The following FUBP3 variants were observed in gnomAD, a reference collection of about 807,000 sequenced individuals.
The protein encoded by FUBP3 is far upstream element-binding protein 3.
A neutral mutation model predicts 85.6 loss-of-function variants in FUBP3; 28 were observed. That is an observed-to-expected ratio of 0.33 (90% CI 0.24 to 0.45). The LOEUF (loss-of-function observed/expected upper bound fraction) is 0.45. Ranked by LOEUF, FUBP3 falls within the 20% of genes least tolerant of loss-of-function variation. The probability of loss-of-function intolerance (pLI) is 1.00; values close to 1 mark genes in which losing one functional copy is unlikely to be tolerated. For missense variants in FUBP3, 583 were observed against 755.1 expected, an observed-to-expected ratio of 0.77 and a Z score of 2.67; for synonymous variants, 271 against 271.4, an observed-to-expected ratio of 1.00 and a Z score of 0.01.
chr9:130,631,223 T>C, intron 13 of FUBP3: 1 of 1,237,502 alleles, frequency 8.1e-7, no homozygotes, highest in Non-Finnish European at 1.0e-6. Context: ...GGGCCACTGC[T>C]CACCTCAATG....
chr9:130,589,675 G>GTGTGTGTATGTATATATATATATATA (rs869282275), intron 1 of FUBP3, among the ~76,000 whole-genome samples: 2 of 34,292 alleles, frequency 5.8e-5, no homozygotes, highest in African/African-American at 1.3e-4. Flanking sequence ...GTATGTGTGT[G>GTGTGTGTATGTATATATATATATATA]TATATATATA....
chr9:130,602,076 A>T (rs1258710591), intron 2 of FUBP3, among the ~76,000 whole-genome samples: 1 of 152,214 alleles, frequency 6.6e-6, no homozygotes, highest in South Asian at 2.1e-4. Flanking sequence ...CTGGGATTAC[A>T]GGCGTGAGCC....
At chr9:130,636,938 AC>A (rs1830442393) in intron 18 of FUBP3, 75 bp from the exon 19 acceptor site, 1 of 1,284,238 alleles carries the variant, frequency 7.8e-7, no homozygotes, top group Non-Finnish European at 1.1e-6. Flanking sequence ...GTGACGCGAG[AC>A]CTGGGGGAGG....
intron 2 of FUBP3, among the ~76,000 whole-genome samples, chr9:130,608,876 T>G (rs2099796482): frequency 6.6e-6 from 1 of 152,178 alleles, no homozygotes; most frequent in Non-Finnish European, 1.5e-5. Flanking sequence ...ATGACAGCAG[T>G]GAGTTTGAGC....
Position 130,614,322 on chromosome 9 carries a change from T to C in FUBP3, c.381T>C (p.Leu127=). ...GGATTCCAGAGAGGCCCTGTGTACTTACCGGAACCCCAGAAAGTATTGAGT... is the reference window on the plus strand; with the variant it reads ...GGATTCCAGAGAGGCCCTGTGTACTCACCGGAACCCCAGAAAGTATTGAGT... ...SSGIPERPCV[L]TGTPESIEQA... is the part of the protein sequence containing the mutation. Residue 127 remains leucine (L), a synonymous_variant, in exon 6 of 19, where the codon CTT becomes CTC. Transcript: ENST00000319725. The C allele has an allele frequency of 6.2e-7, 1 of 1,603,094 alleles. No homozygotes were observed. Among genetic ancestry groups the C allele is most frequent in the Non-Finnish European group, 8.5e-7 (1 of 1,170,120 alleles).
chr9:130,587,243 T>G (rs1830393068), intron 1 of FUBP3, among the ~76,000 whole-genome samples: 1 of 151,886 alleles, frequency 6.6e-6, no homozygotes. Context: ...TTTTGTATTT[T>G]CTGTAGAGAT....
At chr9:130,626,588 G>A (rs1564221283) in intron 12 of FUBP3, 83 bp downstream of exon 12, 1 of 1,407,992 alleles carries the variant, frequency 7.1e-7, no homozygotes, top group Non-Finnish European at 9.9e-7. Flanking sequence ...AGAACCTTTG[G>A]TGAGGTCCCT....
rs952598993 is a variant in FUBP3 at position 130,611,875 on chromosome 9, ATTAT to A, written c.225-579_225-576del. Among the ~76,000 whole-genome samples, 7 of 152,158 alleles carry A rather than the reference ATTAT, an allele frequency of 4.6e-5. No individual in the cohort carries two copies. The East Asian group carries it at 1.2e-3, about 25-fold the overall frequency. On this transcript the variant is annotated intron_variant, in intron 3 of 18. Coordinates refer to ENST00000319725, the MANE Select transcript of FUBP3 (RefSeq NM_003934.2). ...AGTACCTTGCAGAGTAAGTGAGGTA[ATTAT>A]TCTGTTCTGGTCAACAGTGATTACG... is the stretch of plus-strand genomic sequence containing the variant.
rs1346892230 is a variant in FUBP3 at position 130,579,621 on chromosome 9, G to C, written c.-60G>C. 5.6e-6 allele frequency: 6 copies of C among 1,070,074 alleles called. No homozygotes were observed. The highest frequency in any genetic ancestry group is 5.9e-6 in the Non-Finnish European group (5 of 840,500). The allele number at this position is 1,070,074 out of a possible 1,614,324, so 66.3% of individuals were successfully genotyped here. ...CCAAGCGGAGCGGGAGGCCGGACCG[G>C]GGAGCCGAGCGGCGGCGTCGGCGGC... On this transcript the variant is annotated 5_prime_UTR_variant, in exon 1 of 19. Coordinates refer to ENST00000319725, the MANE Select transcript of FUBP3 (RefSeq NM_003934.2).
At chr9:130,581,673 A>T (rs537144091) in intron 1 of FUBP3, 2 of 152,216 alleles carry the variant, frequency 1.3e-5, no homozygotes, top group African/African-American at 4.8e-5. Context: ...TATACACAGC[A>T]TGTTACAGAG....
At chr9:130,589,433 T>C (rs1249121983) in intron 1 of FUBP3, among the ~76,000 whole-genome samples, 1 of 150,860 alleles carries the variant, frequency 6.6e-6, no homozygotes, top group African/African-American at 2.4e-5. Context: ...AAGCTCCACC[T>C]CCTGGGTTCA....
intron 12 of FUBP3, among the ~76,000 whole-genome samples, chr9:130,626,834 A>G (rs1357536951): frequency 6.6e-6 from 1 of 152,196 alleles, no homozygotes; most frequent in African/African-American, 2.4e-5. Flanking sequence ...CTGATTGGTA[A>G]TTAACTCACC....
chr9:130,589,116 G>A (rs1397406709), intron 1 of FUBP3, among the ~76,000 whole-genome samples: 1 of 148,436 alleles, frequency 6.7e-6, no homozygotes, highest in African/African-American at 2.6e-5. Flanking sequence ...TAGAGTTCTA[G>A]TAAGTATGAA....
intron 16 of FUBP3, 86 bp downstream of exon 16, chr9:130,632,364 TCAGC>T (rs1830249050): frequency 9.6e-7 from 1 of 1,038,900 alleles, no homozygotes; most frequent in East Asian, 2.4e-5. Context: ...CTCGTTCAAC[TCAGC>T]CAGCAGGCCC....
At position 130,604,301 on chromosome 9, in the gene FUBP3, C is replaced by T. The variant is rs547939402; in HGVS notation, c.191-5653C>T. Among the ~76,000 whole-genome samples, 51 of 152,200 alleles carry T rather than the reference C, an allele frequency of 3.4e-4. 1 individual carries two copies. Among genetic ancestry groups the T allele is most frequent in the Middle Eastern group, 6.8e-3 (2 of 294 alleles). On this transcript the variant is annotated intron_variant, in intron 2 of 18. Coordinates refer to ENST00000319725, the MANE Select transcript of FUBP3 (RefSeq NM_003934.2). Reference sequence around the variant, plus strand: ...CTCCTTATTGTTGTAGATAAGGAAACCAGTGTCTCTGAAGAAGTAAGTGGT... The same window carrying T: ...CTCCTTATTGTTGTAGATAAGGAAATCAGTGTCTCTGAAGAAGTAAGTGGT...
chr9:130,630,368 G>T (rs995430790), intron 12 of FUBP3, among the ~76,000 whole-genome samples: 2 of 152,244 alleles, frequency 1.3e-5, no homozygotes, highest in South Asian at 2.1e-4. Context: ...TCACATGGAG[G>T]TTTCACATGG....
rs779797392 is a variant in FUBP3 at position 130,626,526 on chromosome 9, C to A, written c.1117+21C>A. On this transcript the variant is annotated intron_variant, in intron 12 of 18. Transcript: ENST00000319725. ...CAAAGGTAAGAGGCAGCTGGGGTTT[C>A]ACATCCCCCCTCAGCTGTTTGGCTT... 33 of 1,611,648 alleles carry A rather than the reference C, an allele frequency of 2.0e-5. No homozygotes were observed. The Admixed American group carries it at 5.5e-4, about 27-fold the overall frequency.
In FUBP3 at chr9:130,635,867, A is replaced by T; in HGVS notation, c.1583-132A>T. On this transcript the variant is annotated intron_variant, in intron 17 of 18. Coordinates refer to ENST00000319725, the MANE Select transcript of FUBP3 (RefSeq NM_003934.2). This position sits in a 1 kb window ranked among gnomAD's most constrained non-coding sequence, Gnocchi z 4.3. ...CAAGCGCTCCTGCAACACCAGCCTC[A>T]CCTCACTGCCTCCCAGACCTCCCTG... 3.4e-6 allele frequency: 3 copies of T among 878,092 alleles called. No homozygotes were observed. Among genetic ancestry groups the T allele is most frequent in the Non-Finnish European group, 5.3e-6 (3 of 566,158 alleles). The allele number at this position is 878,092 out of a possible 1,614,324, so 54.4% of individuals were successfully genotyped here.
At chr9:130,634,511 C>G in intron 16 of FUBP3, 156 bp from the exon 17 acceptor site, 1 of 613,016 alleles carries the variant, frequency 1.6e-6, no homozygotes, top group African/African-American at 1.8e-5. Context: ...TTCCCCCAGC[C>G]CTGCCAGCTG....
Sources: allele counts gnomAD v4.1 joint callset (sites outside exome capture counted in the v4.1 genomes callset), GRCh38; gene constraint gnomAD v4.1.1; non-coding constraint Gnocchi (gnomAD v3.1); transcripts MANE v1.5; gene names NCBI Gene and HGNC (gene_info 2026-07-23, HGNC 2026-07-21).